The following NRBP2 variants were observed in gnomAD, a reference collection of about 807,000 sequenced individuals.
NRBP2 encodes nuclear receptor binding protein 2.
In NRBP2, 47 loss-of-function variants were observed where a neutral mutation model predicts 74.4. That is an observed-to-expected ratio of 0.63 (90% CI 0.50 to 0.81). The LOEUF (loss-of-function observed/expected upper bound fraction) is 0.81, where lower values mean the gene tolerates loss of function less well. Among genes scored for constraint, NRBP2 ranks in the 30% least tolerant of loss-of-function variants. The pLI is 0.00. For missense variants in NRBP2, 613 were observed against 690.1 expected (o/e 0.89, Z 1.25); for synonymous variants, 312 against 273.8 (o/e 1.14, Z -1.38).
chr8:143,837,575 C>T lies in NRBP2; in HGVS notation c.973+48G>A. On this transcript the variant is annotated intron_variant, in intron 11 of 17. Transcript: ENST00000442628. This position sits in a 1 kb window ranked among gnomAD's most constrained non-coding sequence, Gnocchi z 4.3. ...GGGTCCTGCAGGGCCCCTTCCACGT[C>T]CCAACCTCCACCTCCCCAGCCACCC... The T allele has an allele frequency of 6.3e-7, 1 of 1,595,754 alleles. No homozygotes were observed. Among genetic ancestry groups the T allele is most frequent in the South Asian group, 1.1e-5 (1 of 88,224 alleles).
At chr8:143,832,843 G>A (rs1483788108), downstream of NRBP2, among the ~76,000 whole-genome samples, 3 of 152,102 alleles carry the variant, frequency 2.0e-5, no homozygotes, top group South Asian at 2.1e-4. Flanking sequence ...CTGGTTCCCC[G>A]GGTCCCCTTA....
Position 143,839,513 on chromosome 8 carries a change from G to C in NRBP2, c.481C>G (p.Leu161Val). 2 of 1,533,230 alleles carry C rather than the reference G, an allele frequency of 1.3e-6. No individual in the cohort carries two copies. Among genetic ancestry groups the C allele is most frequent in the Non-Finnish European group, 1.7e-6 (2 of 1,146,118 alleles). 95.0% of individuals were successfully genotyped at this position (1,533,230 alleles called of 1,614,324 possible). The change falls in exon 5 of 18, where the codon CTC becomes GTC. Residue 161 changes from leucine (L) to valine (V), a missense_variant. Around this residue, in one of 2 missense-constraint regions of NRBP2, gnomAD observed 332 missense variants for 429.2 expected, o/e 0.77. Coordinates refer to ENST00000442628, the MANE Select transcript of NRBP2 (RefSeq NM_178564.4). This position sits in a 1 kb window ranked among gnomAD's most constrained non-coding sequence, Gnocchi z 5.1. Reference sequence around the variant, plus strand: ...CAGGCCAGCCCAGGCCCTCACCTGAGCGCAGACAGGATCTGCGTGCACCAG... The same window carrying C: ...CAGGCCAGCCCAGGCCCTCACCTGACCGCAGACAGGATCTGCGTGCACCAG... ...KRWCTQILSA[L>V]SFLHACSPPI...
intron 8 of NRBP2, 37 bp downstream of exon 8, chr8:143,838,980 G>A (rs782585286): frequency 5.8e-6 from 9 of 1,564,218 alleles, no homozygotes; most frequent in Non-Finnish European, 6.9e-6. Context: ...GAGAAGCGCA[G>A]GGTAGGCACG....
At position 143,837,269 on chromosome 8, in the gene NRBP2, G is replaced by A. The variant is rs1554652099; in HGVS notation, c.1107C>T (p.Asp369=). 6.2e-7 allele frequency: 1 copy of A among 1,613,230 alleles called. No individual in the cohort carries two copies. Among genetic ancestry groups the A allele is most frequent in the South Asian group, 1.1e-5 (1 of 91,072 alleles). ...RYSEVSFMEL[D]KFLEDVRNGI... ...CTCACCTGACATCCTCCAGGAATTT[G>A]TCCAGCTCCATGAAGGAGACTTCCG... The change falls in exon 13 of 18, where the codon GAC becomes GAT. Residue 369 remains aspartate (D), a synonymous_variant. Transcript: ENST00000442628. The surrounding 1 kb of genome is among the most constrained non-coding windows in gnomAD (Gnocchi z 4.3).
At position 143,835,854 on chromosome 8, in the gene NRBP2, G is replaced by T. The variant is rs1293338048; in HGVS notation, c.1403C>A (p.Ala468Asp). The change falls in exon 17 of 18, where the codon GCC (alanine) becomes GAC (aspartate). Residue 468 changes from alanine to aspartate, a missense_variant. Ala to Asp is a moderately radical substitution (Grantham distance 126). Transcript: ENST00000442628. This position sits in a 1 kb window ranked among gnomAD's most constrained non-coding sequence, Gnocchi z 4.9. Reference sequence around the variant, plus strand: ...GAAGCCATAGTGCACGAGCTCCGAGGCGAGGTCCTGGGCGCTGTCCGCTGA... The same window carrying T: ...GAAGCCATAGTGCACGAGCTCCGAGTCGAGGTCCTGGGCGCTGTCCGCTGA... The part of the protein sequence containing the change: ...LLPTDSAQDL[A>D]SELVHYGFLH... 6.2e-7 allele frequency: 1 copy of T among 1,601,058 alleles called. No individual in the cohort carries two copies. The highest frequency in any genetic ancestry group is 8.5e-7 in the Non-Finnish European group (1 of 1,176,888).
In NRBP2 at chr8:143,840,310, C is replaced by A; in HGVS notation, c.130-81G>T. ...GGATTTGGTCCCTGTCCACACCTTT[C>A]CAGTGGGCCCAAGCGTGGGCTGCAG... On this transcript the variant is annotated intron_variant, in intron 1 of 17. Transcript: ENST00000442628. The surrounding 1 kb of genome is among the most constrained non-coding windows in gnomAD (Gnocchi z 5.7). The A allele has an allele frequency of 6.7e-7, 1 of 1,502,114 alleles. No homozygotes were observed. The highest frequency in any genetic ancestry group is 2.0e-5 in the Admixed American group (1 of 49,830). The allele number at this position is 1,502,114 out of a possible 1,614,324, so 93.0% of individuals were successfully genotyped here.
downstream of NRBP2, among the ~76,000 whole-genome samples, chr8:143,832,213 T>C (rs894591304): frequency 6.6e-6 from 1 of 151,788 alleles, no homozygotes; most frequent in African/African-American, 2.4e-5. Flanking sequence ...AACAGATGCT[T>C]GAAGGCAGCA....
chr8:143,829,937 G>A (rs1458295570), downstream of NRBP2: 2 of 152,316 alleles, frequency 1.3e-5, no homozygotes, highest in African/African-American at 4.8e-5. Flanking sequence ...ATGGCCCAAG[G>A]TGTCTGTCAG....
chr8:143,836,704 G>C, intron 14 of NRBP2, among the ~76,000 whole-genome samples: 1 of 138,592 alleles, frequency 7.2e-6, no homozygotes, highest in East Asian at 2.5e-4. Flanking sequence ...GGGGTGGGGG[G>C]GGTGGGAGGG....
downstream of NRBP2, among the ~76,000 whole-genome samples, chr8:143,831,782 C>A (rs951577855): frequency 6.6e-6 from 1 of 152,204 alleles, no homozygotes; most frequent in Admixed American, 6.5e-5. Flanking sequence ...TATCAAGACA[C>A]ATCATTGAGA....
downstream of NRBP2, among the ~76,000 whole-genome samples, chr8:143,832,520 A>G (rs1476202735): frequency 1.1e-4 from 17 of 152,388 alleles, no homozygotes; most frequent in East Asian, 5.8e-4. Flanking sequence ...ATGTCTCCAT[A>G]TAAAACCTGA....
chr8:143,840,449 A>AT lies in NRBP2; in HGVS notation c.130-221_130-220insA. 1 of 702,632 alleles carries AT rather than the reference A, an allele frequency of 1.4e-6. No individual in the cohort carries two copies. The highest frequency in any genetic ancestry group is 2.3e-6 in the Non-Finnish European group (1 of 433,594). 43.5% of individuals were successfully genotyped at this position (702,632 alleles called of 1,614,324 possible). On this transcript the variant is annotated intron_variant, in intron 1 of 17. Transcript: ENST00000442628. This position sits in a 1 kb window ranked among gnomAD's most constrained non-coding sequence, Gnocchi z 5.7. ...ATTTGGAGCAGGTTTCAGGGGGTCG[A>AT]GGGGGATCCCCAGGAAGCTAGCGGC...
chr8:143,837,385 C>T lies in NRBP2; in HGVS notation c.1076+22G>A. 2 of 1,567,598 alleles carry T rather than the reference C, an allele frequency of 1.3e-6. No individual in the cohort carries two copies. The highest frequency in any genetic ancestry group is 1.7e-6 in the Non-Finnish European group (2 of 1,155,692). ...GGAGGGGAGGTGTGGGGAGGGGAGG[C>T]TTCTGGGTGCTGACTGCTCACCGCC... is the stretch of plus-strand genomic sequence containing the variant. On this transcript the variant is annotated intron_variant, in intron 12 of 17. Coordinates refer to ENST00000442628, the MANE Select transcript of NRBP2 (RefSeq NM_178564.4). This position sits in a 1 kb window ranked among gnomAD's most constrained non-coding sequence, Gnocchi z 4.3.
rs1227774240 is a variant in NRBP2, at chr8:143,835,134, C to G, written c.*528G>C. On this transcript the variant is annotated 3_prime_UTR_variant, in exon 18 of 18. Coordinates refer to ENST00000442628, the MANE Select transcript of NRBP2 (RefSeq NM_178564.4). The surrounding 1 kb of genome is among the most constrained non-coding windows in gnomAD (Gnocchi z 4.9). ...CTGTGGTCTGTTTCTCCTGCCAGGT[C>G]CCTGTTGTGCCCAGTGCCATGCCTG... 2 of 160,762 alleles carry G rather than the reference C, an allele frequency of 1.2e-5. No individual in the cohort carries two copies. Among genetic ancestry groups the G allele is most frequent in the African/African-American group, 4.8e-5 (2 of 41,474 alleles). The allele number at this position is 160,762 out of a possible 1,614,324, so 10.0% of individuals were successfully genotyped here. A position where few individuals can be genotyped will look rare whatever the true frequency, so the allele number is the denominator to read the frequency against.
downstream of NRBP2, among the ~76,000 whole-genome samples, chr8:143,831,782 C>T (rs951577855): frequency 2.6e-5 from 4 of 152,204 alleles, no homozygotes; most frequent in Non-Finnish European, 1.5e-5. Context: ...TATCAAGACA[C>T]ATCATTGAGA....
chr8:143,837,662 G>A lies in NRBP2; in HGVS notation c.934C>T (p.Leu312=). The A allele has an allele frequency of 1.9e-6, 3 of 1,596,030 alleles. No homozygotes were observed. Among genetic ancestry groups the A allele is most frequent in the Non-Finnish European group, 2.6e-6 (3 of 1,171,508 alleles). The change falls in exon 11 of 18, where the codon CTG becomes TTG. Residue 312 remains leucine (L), a synonymous_variant. Transcript: ENST00000442628. This position sits in a 1 kb window ranked among gnomAD's most constrained non-coding sequence, Gnocchi z 4.3. ...AAGCAGTGGGCTGCCAGGAGCTTCA[G>A]CGAGTGCACCTCGAAGAGCACGCGG... ...FHRVLFEVHS[L]KLLAAHCFIQ...
chr8:143,831,071 A>C (rs1444343185), downstream of NRBP2, among the ~76,000 whole-genome samples: 1 of 152,200 alleles, frequency 6.6e-6, no homozygotes, highest in Non-Finnish European at 1.5e-5. Context: ...CTGGTCTGCC[A>C]CCACCACCAG....
In NRBP2 at chr8:143,835,587, A is replaced by T; in HGVS notation, c.*75T>A. On this transcript the variant is annotated 3_prime_UTR_variant, in exon 18 of 18. Coordinates refer to ENST00000442628, the MANE Select transcript of NRBP2 (RefSeq NM_178564.4). The surrounding 1 kb of genome is among the most constrained non-coding windows in gnomAD (Gnocchi z 4.9). ...CAGGCGCATGGAGGAGGGCAGCCCCACGGTGCTGGAGTCTCCCCAACATGG... is the reference window on the plus strand; with the variant it reads ...CAGGCGCATGGAGGAGGGCAGCCCCTCGGTGCTGGAGTCTCCCCAACATGG... 1 of 1,255,314 alleles carries T rather than the reference A, an allele frequency of 8.0e-7. No individual in the cohort carries two copies. The highest frequency in any genetic ancestry group is 1.1e-6 in the Non-Finnish European group (1 of 905,854). 77.8% of individuals were successfully genotyped at this position (1,255,314 alleles called of 1,614,324 possible).
At position 143,837,293 on chromosome 8, in the gene NRBP2, C is replaced by G. The variant is rs141817014; in HGVS notation, c.1083G>C (p.Ser361=). The change falls in exon 13 of 18, where the codon TCG becomes TCC. Residue 361 remains serine, a synonymous_variant. Coordinates refer to ENST00000442628, the MANE Select transcript of NRBP2 (RefSeq NM_178564.4). This position sits in a 1 kb window ranked among gnomAD's most constrained non-coding sequence, Gnocchi z 4.3. ...TGTCCAGCTCCATGAAGGAGACTTCCGAGTACCTGGCATGGAAGTGGGAGG... is the reference window on the plus strand; with the variant it reads ...TGTCCAGCTCCATGAAGGAGACTTCGGAGTACCTGGCATGGAAGTGGGAGG... ...PRRPPLQWRY[S]EVSFMELDKF... The G allele has an allele frequency of 1.7e-5, 28 of 1,609,404 alleles. No homozygotes were observed. In the African/African-American group the frequency reaches 2.7e-4, roughly 16 times the overall value.
Sources: gnomAD v4.1 joint callset for allele counts (sites outside exome capture counted in the v4.1 genomes callset) on GRCh38, gnomAD v4.1.1 for gene constraint, gnomAD v4.1.1 regional missense constraint, Gnocchi (gnomAD v3.1) non-coding constraint, MANE v1.5 for transcripts, NCBI Gene and HGNC (gene_info 2026-07-23, HGNC 2026-07-21) for gene names.